The following BMPR2 variants were observed in gnomAD, a reference collection of about 807,000 sequenced individuals.
The protein encoded by BMPR2 is bone morphogenetic protein receptor type-2.
BMPR2 carries 29 observed loss-of-function variants against 100.8 expected under a neutral mutation model. The observed-to-expected ratio is 0.29, with a 90% CI of 0.21 to 0.39. The LOEUF is 0.39. Among genes scored for constraint, BMPR2 ranks in the 10% least tolerant of loss-of-function variants. The pLI, the probability that BMPR2 is intolerant of heterozygous loss-of-function variation, is 1.00. For missense variants in BMPR2, 1,011 were observed against 1,274.5 expected (o/e 0.79, Z 3.15); for synonymous variants, 382 against 442.3 (o/e 0.86, Z 1.71).
chr2:202,457,555 T>G (rs950780837), intron 1 of BMPR2, among the ~76,000 whole-genome samples: 27 of 99,988 alleles, frequency 2.7e-4, no homozygotes, highest in South Asian at 6.7e-4. Flanking sequence ...TATATATATA[T>G]ATATATAGAG....
chr2:202,541,997 G>C (rs947059498), intron 9 of BMPR2, among the ~76,000 whole-genome samples: 1 of 151,870 alleles, frequency 6.6e-6, no homozygotes, highest in Non-Finnish European at 1.5e-5. Context: ...TGTAATCCAA[G>C]CTACTCGGGA....
chr2:202,522,166 C>CA (rs965602622), intron 7 of BMPR2, among the ~76,000 whole-genome samples: 6 of 145,558 alleles, frequency 4.1e-5, no homozygotes, highest in African/African-American at 7.6e-5. Context: ...CTCAAAAAAA[C>CA]AAAAAAACGA....
chr2:202,462,758 AC>A (rs1170800544), intron 1 of BMPR2, among the ~76,000 whole-genome samples: 1 of 149,606 alleles, frequency 6.7e-6, no homozygotes, highest in African/African-American at 2.5e-5. Flanking sequence ...TTTTGCCCAA[AC>A]TGGAGTGCAG....
At chr2:202,381,755 T>C (rs958972522) in intron 1 of BMPR2, among the ~76,000 whole-genome samples, 1 of 152,202 alleles carries the variant, frequency 6.6e-6, no homozygotes, top group Admixed American at 6.5e-5. Flanking sequence ...ATATAAACTT[T>C]GGTCTCTACA....
chr2:202,497,100 A>C (rs1463409858), intron 3 of BMPR2, among the ~76,000 whole-genome samples: 1 of 152,226 alleles, frequency 6.6e-6, no homozygotes, highest in South Asian at 2.1e-4. Flanking sequence ...AGTGCCAGCC[A>C]ACCGGCACTG....
chr2:202,529,126 C>T (rs1163976648), intron 7 of BMPR2, among the ~76,000 whole-genome samples: 3 of 152,146 alleles, frequency 2.0e-5, no homozygotes, highest in Non-Finnish European at 1.5e-5. Flanking sequence ...TCAGACTTCA[C>T]CAGAAAATTA....
intron 10 of BMPR2, among the ~76,000 whole-genome samples, chr2:202,551,713 C>G (rs1008282389): frequency 6.6e-6 from 1 of 151,840 alleles, no homozygotes; most frequent in African/African-American, 2.4e-5. Context: ...TTTTTTTATT[C>G]TTTTGAGGCG....
chr2:202,444,147 C>T (rs1226576859), intron 1 of BMPR2, among the ~76,000 whole-genome samples: 2 of 150,566 alleles, frequency 1.3e-5, no homozygotes, highest in Non-Finnish European at 2.9e-5. Flanking sequence ...TCTCTGCTCG[C>T]TTTCTTTTCT....
chr2:202,407,229 C>T (rs1030325767), intron 1 of BMPR2, among the ~76,000 whole-genome samples: 1 of 152,056 alleles, frequency 6.6e-6, no homozygotes, highest in African/African-American at 2.4e-5. Context: ...AGGTGTGAGC[C>T]ACTGCACCTG....
At chr2:202,379,685 A>G (rs1690229489) in intron 1 of BMPR2, among the ~76,000 whole-genome samples, 1 of 152,180 alleles carries the variant, frequency 6.6e-6, no homozygotes, top group Admixed American at 6.6e-5. Context: ...AGTGATGTTA[A>G]CTCGACAGGC....
intron 7 of BMPR2, among the ~76,000 whole-genome samples, chr2:202,526,184 C>T (rs979117266): frequency 2.6e-5 from 4 of 152,094 alleles, no homozygotes; most frequent in Admixed American, 2.6e-4. Flanking sequence ...CTCTTTAATA[C>T]GTTTGCTTTC....
At position 202,503,934 on chromosome 2, in the gene BMPR2, A is replaced by G. The variant is rs1016552999; in HGVS notation, c.419-9785A>G. Among the ~76,000 whole-genome samples the G allele has an allele frequency of 6.6e-6, 1 of 152,140 alleles. No homozygotes were observed. Among genetic ancestry groups the G allele is most frequent in the Non-Finnish European group, 1.5e-5 (1 of 68,008 alleles). On this transcript the variant is annotated intron_variant, in intron 3 of 12. Transcript: ENST00000374580. This position sits in a 1 kb window ranked among gnomAD's most constrained non-coding sequence, Gnocchi z 4.0. ...TAGCTCAAGGTTTGTAAATACACCA[A>G]TCAGCACCCTGTGTCTAGCTCAGGG...
chr2:202,421,691 CTT>C (rs1432007898), intron 1 of BMPR2, among the ~76,000 whole-genome samples: 1 of 148,282 alleles, frequency 6.7e-6, no homozygotes, highest in Non-Finnish European at 1.5e-5. Context: ...TGGAACTAGA[CTT>C]TAACTGTAGA....
At chr2:202,459,305 A>G (rs1001670477) in intron 1 of BMPR2, among the ~76,000 whole-genome samples, 2 of 152,220 alleles carry the variant, frequency 1.3e-5, no homozygotes, top group Non-Finnish European at 2.9e-5. Flanking sequence ...GAAATTATAC[A>G]TCACAAGAAA....
At chr2:202,477,647 C>T (rs1692576535) in intron 3 of BMPR2, among the ~76,000 whole-genome samples, 1 of 152,142 alleles carries the variant, frequency 6.6e-6, no homozygotes, top group African/African-American at 2.4e-5. Context: ...ATTAGCTGGG[C>T]ATGGTGGCAG....
intron 10 of BMPR2, among the ~76,000 whole-genome samples, chr2:202,548,905 C>T (rs892328210): frequency 1.2e-4 from 19 of 152,068 alleles, no homozygotes; most frequent in African/African-American, 4.6e-4. Context: ...ATAAACTGCA[C>T]GTATTAAAGT....
intron 3 of BMPR2, among the ~76,000 whole-genome samples, chr2:202,506,391 C>T (rs1687520986): frequency 6.6e-6 from 1 of 152,114 alleles, no homozygotes; most frequent in Non-Finnish European, 1.5e-5. Flanking sequence ...CTCCTTACCT[C>T]AAATCCTCAA....
intron 3 of BMPR2, among the ~76,000 whole-genome samples, chr2:202,511,992 G>A (rs1687634087): frequency 1.3e-5 from 2 of 150,860 alleles, no homozygotes; most frequent in South Asian, 4.2e-4. Flanking sequence ...CTGAGCTCCA[G>A]CCTGGGCGAC....
At position 202,556,535 on chromosome 2, in the gene BMPR2, A is replaced by G; in HGVS notation, c.2866+4A>G. 6.2e-7 allele frequency: 1 copy of G among 1,611,346 alleles called. No homozygotes were observed. Among genetic ancestry groups the G allele is most frequent in the Admixed American group, 1.7e-5 (1 of 60,030 alleles). On this transcript the variant is annotated splice_donor_region_variant and intron_variant, in intron 12 of 12. Coordinates refer to ENST00000374580, the MANE Select transcript of BMPR2 (RefSeq NM_001204.7). ...CTGGATGGCAGCAGTATACAGAGTAAGTGGAGGGATCATATAATCTCTCCT... is the reference window on the plus strand; with the variant it reads ...CTGGATGGCAGCAGTATACAGAGTAGGTGGAGGGATCATATAATCTCTCCT...
Sources: allele counts gnomAD v4.1 joint callset (sites outside exome capture counted in the v4.1 genomes callset), GRCh38; gene constraint gnomAD v4.1.1; non-coding constraint Gnocchi (gnomAD v3.1); transcripts MANE v1.5; gene names NCBI Gene and HGNC (gene_info 2026-07-23, HGNC 2026-07-21).